Variants in TRPM3 observed in about 807,000 individuals in gnomAD.
TRPM3 encodes transient receptor potential cation channel subfamily M member 3.
A neutral mutation model predicts 181.2 loss-of-function variants in TRPM3; 77 were observed. The ratio of observed to expected loss-of-function variants is 0.42; its 90% CI spans 0.35 to 0.51. The LOEUF is 0.51. Ranked by LOEUF, TRPM3 falls within the 20% of genes least tolerant of loss-of-function variation. The pLI is 0.01. For missense variants in TRPM3, 1,759 were observed against 2,196.7 expected (o/e 0.80, Z 3.98); for synonymous variants, 745 against 796.4 (o/e 0.94, Z 1.09).
At position 71,213,901 on chromosome 9, in the gene TRPM3, G is replaced by A. The variant is rs368036410; in HGVS notation, c.183+232752C>T. Among the ~76,000 whole-genome samples, 74 of 152,262 alleles carry A rather than the reference G, an allele frequency of 4.9e-4. No individual in the cohort carries two copies. The South Asian group carries it at 0.015, about 32-fold the overall frequency. On this transcript the variant is annotated intron_variant, in intron 1 of 24. Coordinates refer to the TRPM3 transcript ENST00000357533. The stretch of plus-strand genomic sequence containing the variant: ...GTACAACAAACATATAATAGGATCT[G>A]CTTACCACATCAGAGCTTGGTGCAG...
intron 19 of TRPM3, among the ~76,000 whole-genome samples, chr9:70,606,971 A>C (rs535104786): frequency 1.3e-5 from 2 of 152,154 alleles, no homozygotes; most frequent in Non-Finnish European, 2.9e-5. Flanking sequence ...TAGAGGATAG[A>C]GTTGGTCACT....
intron 1 of TRPM3, among the ~76,000 whole-genome samples, chr9:71,150,965 G>T (rs762501167): frequency 2.0e-5 from 3 of 152,130 alleles, no homozygotes; most frequent in Non-Finnish European, 4.4e-5. Flanking sequence ...TAAGTGGCAT[G>T]CTGAATCAGC....
intron 1 of TRPM3, among the ~76,000 whole-genome samples, chr9:71,161,608 T>C (rs2076276034): frequency 6.6e-6 from 1 of 152,118 alleles, no homozygotes; most frequent in Admixed American, 6.5e-5. Flanking sequence ...AGAAAAACAG[T>C]TTCAGAAATG....
At position 70,974,409 on chromosome 9, in the gene TRPM3, G is replaced by A. The variant is rs1352786650; in HGVS notation, c.178-109898C>T. 2.3e-5 allele frequency among the ~76,000 whole-genome samples: 3 copies of A among 130,000 alleles called. 1 individual carries two copies. Among genetic ancestry groups the A allele is most frequent in the Non-Finnish European group, 5.1e-5 (3 of 59,298 alleles). The allele number at this position is 130,000 out of a possible 152,430, so 85.3% of individuals were successfully genotyped here. ...CAAAAATTAGCCGCGCGTGGTGGCG[G>A]GCTCCTGTAGTACCAGCTACTCGGG... On this transcript the variant is annotated intron_variant, in intron 1 of 25. Transcript: ENST00000677713.
At chr9:70,958,280 C>G (rs1590076131) in intron 1 of TRPM3, among the ~76,000 whole-genome samples, 1 of 152,136 alleles carries the variant, frequency 6.6e-6, no homozygotes, top group East Asian at 1.9e-4. Flanking sequence ...CATAAATTCA[C>G]TAGAGGTCCT....
At chr9:71,098,308 G>T (rs1327105260) in intron 1 of TRPM3, among the ~76,000 whole-genome samples, 1 of 152,082 alleles carries the variant, frequency 6.6e-6, no homozygotes, top group African/African-American at 2.4e-5. Context: ...TTTATTTAGT[G>T]TGTAGGAATT....
chr9:70,623,747 A>G (rs750302722), intron 14 of TRPM3, among the ~76,000 whole-genome samples: 4 of 152,192 alleles, frequency 2.6e-5, no homozygotes, highest in Non-Finnish European at 5.9e-5. Context: ...CCGTCTTTTT[A>G]CTGTTCTGTG....
At position 70,642,630 on chromosome 9, in the gene TRPM3, C is replaced by T. The variant is rs2058238043; in HGVS notation, c.1346-1970G>A. Among the ~76,000 whole-genome samples the T allele has an allele frequency of 2.0e-5, 3 of 152,308 alleles. No individual in the cohort carries two copies. In the South Asian group the frequency reaches 6.2e-4, roughly 32 times the overall value. On this transcript the variant is annotated intron_variant, in intron 9 of 25. Transcript: ENST00000677713. ...TATTTTTAAAGCTCTCCATGTGCTT[C>T]CAATGTGCAGCCAATGTCCAGAGGC...
chr9:71,139,939 A>G (rs1248260397), intron 1 of TRPM3, among the ~76,000 whole-genome samples: 1 of 152,188 alleles, frequency 6.6e-6, no homozygotes, highest in African/African-American at 2.4e-5. Flanking sequence ...TGAAAAATGA[A>G]AAAAGCATCC....
intron 1 of TRPM3, among the ~76,000 whole-genome samples, chr9:71,225,146 C>G (rs1256286748): frequency 6.6e-6 from 1 of 151,864 alleles, no homozygotes; most frequent in African/African-American, 2.4e-5. Context: ...GCAGATTTAA[C>G]CCAAAAAAAC....
intron 1 of TRPM3, among the ~76,000 whole-genome samples, chr9:71,106,897 C>G (rs1445390730): frequency 6.6e-6 from 1 of 151,994 alleles, no homozygotes; most frequent in East Asian, 1.9e-4. Flanking sequence ...AGTGAAGATC[C>G]CTCCTACAGT....
intron 1 of TRPM3, among the ~76,000 whole-genome samples, chr9:71,280,541 A>AAGAAC (rs1407820228): frequency 3.3e-5 from 5 of 152,038 alleles, no homozygotes; most frequent in Admixed American, 3.3e-4. Flanking sequence ...AAGAAAAGAA[A>AAGAAC]AGCCCTGGAT....
At chr9:70,845,475 G>C (rs966091793) in intron 4 of TRPM3, among the ~76,000 whole-genome samples, 2 of 152,096 alleles carry the variant, frequency 1.3e-5, no homozygotes, top group African/African-American at 4.8e-5. Context: ...CCTGATCTCA[G>C]GTGATCCCCC....
chr9:70,815,049 A>G (rs569559472), intron 6 of TRPM3, among the ~76,000 whole-genome samples: 13 of 152,280 alleles, frequency 8.5e-5, no homozygotes, highest in African/African-American at 3.1e-4. Context: ...CACTCCCTGG[A>G]AACTGTAACT....
chr9:70,667,672 A>G (rs1314207217), intron 9 of TRPM3, among the ~76,000 whole-genome samples: 1 of 150,650 alleles, frequency 6.6e-6, no homozygotes, highest in Admixed American at 6.6e-5. Flanking sequence ...CTCTCTCTTC[A>G]CTCTCCCTTT....
intron 1 of TRPM3, among the ~76,000 whole-genome samples, chr9:71,373,987 G>C (rs1304846085): frequency 1.3e-5 from 2 of 152,182 alleles, no homozygotes; most frequent in African/African-American, 4.8e-5. Flanking sequence ...AAATCAACGT[G>C]ATTCATCACA....
intron 21 of TRPM3, among the ~76,000 whole-genome samples, chr9:70,594,297 A>C (rs893314426): frequency 6.6e-6 from 1 of 152,142 alleles, no homozygotes; most frequent in African/African-American, 2.4e-5. Context: ...ATGTATTATT[A>C]TTATTAGAGT....
intron 1 of TRPM3, among the ~76,000 whole-genome samples, chr9:71,120,791 G>A (rs1272602338): frequency 6.6e-6 from 1 of 152,150 alleles, no homozygotes; most frequent in African/African-American, 2.4e-5. Flanking sequence ...CCCAGGGAGA[G>A]AGAAAGAAAA....
At chr9:71,285,156 T>C (rs1334559885) in intron 1 of TRPM3, among the ~76,000 whole-genome samples, 1 of 152,224 alleles carries the variant, frequency 6.6e-6, no homozygotes, top group Non-Finnish European at 1.5e-5. Context: ...TAAGATATTT[T>C]ACATTTTCTT....
Sources: gnomAD v4.1 joint callset for allele counts (sites outside exome capture counted in the v4.1 genomes callset) on GRCh38, gnomAD v4.1.1 for gene constraint, MANE v1.5 for transcripts, NCBI Gene and HGNC (gene_info 2026-07-23, HGNC 2026-07-21) for gene names.